The following PRKD1 variants were observed in gnomAD, a reference collection of about 807,000 sequenced individuals.
The protein encoded by PRKD1 is protein kinase D1.
A neutral mutation model predicts 95.9 loss-of-function variants in PRKD1; 63 were observed. The observed-to-expected ratio is 0.66, with a 90% CI of 0.54 to 0.81. The LOEUF (loss-of-function observed/expected upper bound fraction) is 0.81, where lower values mean the gene tolerates loss of function less well. Ranked by LOEUF, PRKD1 falls within the 30% of genes least tolerant of loss-of-function variation. The probability of loss-of-function intolerance (pLI) is 0.00; values close to 1 mark genes in which losing one functional copy is unlikely to be tolerated. For synonymous variants in PRKD1, 425 were observed against 423.1 expected (o/e 1.00, Z -0.05); for missense variants, 1,048 against 1,165.3 (o/e 0.90, Z 1.47).
chr14:29,880,666 C>T (rs1893476308), intron 1 of PRKD1, among the ~76,000 whole-genome samples: 1 of 152,102 alleles, frequency 6.6e-6, no homozygotes, highest in African/African-American at 2.4e-5. Flanking sequence ...CAAGAAAAGC[C>T]TCTGACACTC....
intron 1 of PRKD1, among the ~76,000 whole-genome samples, chr14:29,733,378 G>C (rs1431331325): frequency 6.6e-6 from 1 of 152,082 alleles, no homozygotes; most frequent in African/African-American, 2.4e-5. Context: ...GGGATTACAG[G>C]AGTGAGCTAC....
intron 1 of PRKD1, among the ~76,000 whole-genome samples, chr14:29,822,084 T>C (rs765291847): frequency 3.3e-5 from 5 of 152,212 alleles, no homozygotes; most frequent in Non-Finnish European, 7.3e-5. Context: ...TTTTTTCTTT[T>C]TAAATTTTAT....
At chr14:29,705,654 T>G (rs573692028) in intron 2 of PRKD1, among the ~76,000 whole-genome samples, 1 of 152,158 alleles carries the variant, frequency 6.6e-6, no homozygotes, top group African/African-American at 2.4e-5. Flanking sequence ...CCCTCAAGCC[T>G]ATGGCAACCA....
At chr14:29,659,176 C>G (rs892719806) in intron 4 of PRKD1, among the ~76,000 whole-genome samples, 1 of 152,260 alleles carries the variant, frequency 6.6e-6, no homozygotes, top group South Asian at 2.1e-4. Context: ...TGATATCCCA[C>G]CTTAGTTTTA....
Position 29,696,983 on chromosome 14 carries a change from C to T in PRKD1, c.403+28553G>A, listed in dbSNP as rs577018426. On this transcript the variant is annotated intron_variant, in intron 2 of 17. Coordinates refer to ENST00000331968, the MANE Select transcript of PRKD1 (RefSeq NM_002742.3). ...ACCATGGGATGCCGTGCTTGAGCGC[C>T]ATTTTCCTTTGGATTTTCAAGAAAA... 1.4e-4 allele frequency among the ~76,000 whole-genome samples: 21 copies of T among 152,136 alleles called. No individual in the cohort carries two copies. In the East Asian group the frequency reaches 3.9e-3, roughly 28 times the overall value.
intron 11 of PRKD1, 96 bp downstream of exon 11, chr14:29,628,945 C>A: frequency 1.1e-5 from 10 of 891,152 alleles, no homozygotes; most frequent in South Asian, 8.3e-5. Flanking sequence ...CCAAAATTTA[C>A]TAAAAAATTA....
intron 13 of PRKD1, among the ~76,000 whole-genome samples, chr14:29,601,005 G>T (rs1893497194): frequency 6.6e-6 from 1 of 151,860 alleles, no homozygotes; most frequent in Non-Finnish European, 1.5e-5. Context: ...AACAAAAAAA[G>T]CAGGAACTAA....
intron 4 of PRKD1, among the ~76,000 whole-genome samples, chr14:29,659,828 C>T (rs28369506): frequency 0.036 from 5,511 of 152,006 alleles, 289 homozygotes; most frequent in African/African-American, 0.12. Context: ...GTAAATGTTC[C>T]TTATGTGCTC....
chr14:29,921,144 TTC>T (rs937525258), intron 1 of PRKD1, among the ~76,000 whole-genome samples: 9 of 152,226 alleles, frequency 5.9e-5, no homozygotes, highest in Admixed American at 2.6e-4. Flanking sequence ...TAAATCATCT[TTC>T]TGTCAAAAAT....
chr14:29,739,403 A>T (rs1886885299), intron 1 of PRKD1, among the ~76,000 whole-genome samples: 1 of 152,170 alleles, frequency 6.6e-6, no homozygotes, highest in Non-Finnish European at 1.5e-5. Flanking sequence ...ATTGAGTTCA[A>T]AATCTGATTG....
At chr14:29,923,227 CAAAAA>C (rs33966435) in intron 1 of PRKD1, among the ~76,000 whole-genome samples, 2 of 88,800 alleles carry the variant, frequency 2.3e-5, no homozygotes, top group African/African-American at 6.2e-5. Flanking sequence ...GAGATTCTGT[CAAAAA>C]AAAAAAAAAA....
At chr14:29,815,971 T>A (rs575532431) in intron 1 of PRKD1, among the ~76,000 whole-genome samples, 5 of 152,056 alleles carry the variant, frequency 3.3e-5, no homozygotes, top group Admixed American at 1.3e-4. Context: ...TGTAATCCCA[T>A]CACTTTGGGA....
intron 4 of PRKD1, among the ~76,000 whole-genome samples, chr14:29,645,756 C>T (rs964420278): frequency 6.6e-6 from 1 of 152,032 alleles, no homozygotes; most frequent in African/African-American, 2.4e-5. Flanking sequence ...TATATTTACT[C>T]TTTCCCTTTC....
At chr14:29,669,401 A>G (rs538016523) in intron 2 of PRKD1, among the ~76,000 whole-genome samples, 8 of 152,192 alleles carry the variant, frequency 5.3e-5, no homozygotes, top group Non-Finnish European at 1.2e-4. Flanking sequence ...AGTTCGTCCC[A>G]AAGCAAAACA....
At chr14:29,737,732 A>G (rs990044223) in intron 1 of PRKD1, among the ~76,000 whole-genome samples, 4 of 152,214 alleles carry the variant, frequency 2.6e-5, no homozygotes, top group Non-Finnish European at 5.9e-5. Flanking sequence ...TGGTTCTAGC[A>G]TTCAGCTGTA....
At chr14:29,826,842 CACATATATATATATATAT>C (rs1891205925) in intron 1 of PRKD1, among the ~76,000 whole-genome samples, 10 of 19,866 alleles carry the variant, frequency 5.0e-4, no homozygotes, top group Admixed American at 1.6e-3. Context: ...TATATATACA[CACATATATATATATATAT>C]ATATATATAT....
chr14:29,739,594 T>C (rs1037537641), intron 1 of PRKD1, among the ~76,000 whole-genome samples: 3 of 152,208 alleles, frequency 2.0e-5, no homozygotes, highest in African/African-American at 7.2e-5. Flanking sequence ...GAATGTGAAA[T>C]GGCAGATTTT....
chr14:29,634,726 G>A (rs1032687070), intron 7 of PRKD1, among the ~76,000 whole-genome samples, 185 bp from the exon 8 acceptor site: 2 of 152,058 alleles, frequency 1.3e-5, no homozygotes, highest in African/African-American at 4.8e-5. Context: ...TGATAGGCAC[G>A]TTGTTTGTAC....
At chr14:29,657,923 T>G (rs538496219) in intron 4 of PRKD1, 4 of 152,180 alleles carry the variant, frequency 2.6e-5, no homozygotes, top group Non-Finnish European at 4.4e-5. Context: ...GCCACATTTC[T>G]GGATTGACAT....
Sources: gnomAD v4.1 joint callset for allele counts (sites outside exome capture counted in the v4.1 genomes callset) on GRCh38, gnomAD v4.1.1 for gene constraint, MANE v1.5 for transcripts, NCBI Gene and HGNC (gene_info 2026-07-23, HGNC 2026-07-21) for gene names.